GRIN2B: variants seen among roughly 807,000 people sequenced by gnomAD.
The protein encoded by GRIN2B is glutamate ionotropic receptor NMDA type subunit 2B.
GRIN2B carries 5 observed loss-of-function variants against 114.5 expected under a neutral mutation model. The ratio of observed to expected loss-of-function variants is 0.04; its 90% CI spans 0.02 to 0.09. GRIN2B has a LOEUF of 0.09. GRIN2B is among the 10% of genes least tolerant of loss of function. GRIN2B has a pLI of 1.00. For missense variants in GRIN2B, 1,108 were observed against 1,943.5 expected, an observed-to-expected ratio of 0.57 and a Z score of 8.08; for synonymous variants, 787 against 745.1, an observed-to-expected ratio of 1.06 and a Z score of -0.92.
At chr12:13,918,085 A>G (rs919724897) in intron 2 of GRIN2B, among the ~76,000 whole-genome samples, 1 of 152,206 alleles carries the variant, frequency 6.6e-6, no homozygotes, top group African/African-American at 2.4e-5. Flanking sequence ...ACTTGGCATC[A>G]GACATCCATC....
chr12:13,547,858 A>T lies in GRIN2B; in HGVS notation c.*14925T>A, dbSNP rs1948362173. The T allele has an allele frequency of 6.6e-6, 1 of 151,458 alleles. No individual in the cohort carries two copies. The highest frequency in any genetic ancestry group is 1.5e-5 in the Non-Finnish European group (1 of 67,926). The allele number at this position is 151,458 out of a possible 1,614,324, so 9.4% of individuals were successfully genotyped here. ...GCAGTGTTGAAACTCTGAGATAAGA[A>T]TTCCTTGCCCATCTTCTAACTTCCA... is the stretch of plus-strand genomic sequence containing the variant. On this transcript the variant is annotated 3_prime_UTR_variant, in exon 14 of 14. Coordinates refer to ENST00000609686, the MANE Select transcript of GRIN2B (RefSeq NM_000834.5).
At chr12:13,607,369 A>T (rs1309392251) in intron 10 of GRIN2B, among the ~76,000 whole-genome samples, 13 of 39,944 alleles carry the variant, frequency 3.3e-4, no homozygotes, top group South Asian at 1.4e-3. Flanking sequence ...AATATATATT[A>T]TATATTATAT....
intron 3 of GRIN2B, among the ~76,000 whole-genome samples, chr12:13,844,859 G>A (rs889334399): frequency 2.6e-5 from 4 of 152,064 alleles, no homozygotes; most frequent in African/African-American, 9.7e-5. Context: ...CATCATGAAA[G>A]GTAATATTTT....
chr12:13,799,966 C>G (rs910404589), intron 3 of GRIN2B, among the ~76,000 whole-genome samples: 1 of 152,080 alleles, frequency 6.6e-6, no homozygotes, highest in African/African-American at 2.4e-5. Flanking sequence ...CTCTATTTCT[C>G]CCAGGGGACT....
intron 10 of GRIN2B, among the ~76,000 whole-genome samples, chr12:13,592,131 G>T (rs916430333): frequency 6.6e-6 from 1 of 152,154 alleles, no homozygotes; most frequent in Admixed American, 6.6e-5. Context: ...TCTAGTGGAG[G>T]GTGACGGGTG....
intron 2 of GRIN2B, among the ~76,000 whole-genome samples, chr12:13,872,063 A>G (rs556927281): frequency 6.7e-4 from 102 of 152,256 alleles, no homozygotes; most frequent in Middle Eastern, 3.4e-3. Flanking sequence ...TAAGTATATC[A>G]AACTTTTAAG....
chr12:13,942,400 A>AACTG (rs398116128), intron 2 of GRIN2B, among the ~76,000 whole-genome samples: 1 of 151,714 alleles, frequency 6.6e-6, no homozygotes, highest in Non-Finnish European at 1.5e-5. Flanking sequence ...CACAGGCACT[A>AACTG]TTTGGGAAGC....
chr12:13,726,557 T>C (rs563860105), intron 4 of GRIN2B, among the ~76,000 whole-genome samples: 149 of 147,594 alleles, frequency 1.0e-3, no homozygotes, highest in African/African-American at 3.5e-3. Context: ...AATATATATA[T>C]ATATTTATAT....
intron 2 of GRIN2B, among the ~76,000 whole-genome samples, chr12:13,951,021 CT>C (rs1379173618): frequency 6.6e-6 from 1 of 152,114 alleles, no homozygotes; most frequent in Non-Finnish European, 1.5e-5. Flanking sequence ...CTCCCACTCC[CT>C]TGTGAACATT....
chr12:13,760,949 A>G (rs1404833188), intron 3 of GRIN2B, among the ~76,000 whole-genome samples: 1 of 152,222 alleles, frequency 6.6e-6, no homozygotes, highest in East Asian at 1.9e-4. Context: ...GGCTTTGAAT[A>G]GTGTCAGAGT....
In GRIN2B at chr12:13,812,930, A is replaced by ATTTT. The variant is rs34773248; in HGVS notation, c.411+52864_411+52867dup. ...GGTAAGTAATTGGGAAGTTTTGGGA[A>ATTTT]TTTTTTTTTTTTTTTTTTTTTTGAG... On this transcript the variant is annotated intron_variant, in intron 3 of 13. Coordinates refer to ENST00000609686, the MANE Select transcript of GRIN2B (RefSeq NM_000834.5). Among the ~76,000 whole-genome samples, 1,094 of 118,356 alleles carry ATTTT rather than the reference A, an allele frequency of 9.2e-3. 32 individuals are homozygous for ATTTT. Among genetic ancestry groups the ATTTT allele is most frequent in the African/African-American group, 0.025 (752 of 30,500 alleles). 77.6% of individuals were successfully genotyped at this position (118,356 alleles called of 152,430 possible).
chr12:13,899,660 A>G (rs527942066), intron 2 of GRIN2B, among the ~76,000 whole-genome samples: 1 of 144,146 alleles, frequency 6.9e-6, no homozygotes, highest in East Asian at 1.9e-4. Flanking sequence ...AATAAGTCAA[A>G]GGGGGACATT....
intron 3 of GRIN2B, among the ~76,000 whole-genome samples, chr12:13,819,716 G>A (rs139593264): frequency 0.015 from 2,304 of 152,250 alleles, 17 homozygotes; most frequent in Middle Eastern, 0.024. Context: ...CTGTATGTCA[G>A]ATTTTGCTGC....
rs1950150073 is a variant in GRIN2B, at chr12:13,683,545, T to C, written c.1011-7686A>G. Reference sequence around the variant, plus strand: ...TGTGTTTCGATATATATAAAGGGGATGTGAGGGTGATCTGGCTGCGGCATC... The same window carrying C: ...TGTGTTTCGATATATATAAAGGGGACGTGAGGGTGATCTGGCTGCGGCATC... On this transcript the variant is annotated intron_variant, in intron 4 of 13. Transcript: ENST00000609686. The C allele has an allele frequency of 2.0e-5, 3 of 153,708 alleles. No individual in the cohort carries two copies. The South Asian group carries it at 6.2e-4, about 32-fold the overall frequency. 9.5% of individuals were successfully genotyped at this position (153,708 alleles called of 1,614,324 possible).
chr12:13,954,804 G>C (rs1319377050), intron 2 of GRIN2B, among the ~76,000 whole-genome samples: 1 of 7,886 alleles, frequency 1.3e-4, no homozygotes, highest in Non-Finnish European at 5.5e-4. Flanking sequence ...GTGAGACTCC[G>C]TCTCAGGAAA....
At chr12:13,823,686 T>G (rs1402655232) in intron 3 of GRIN2B, among the ~76,000 whole-genome samples, 2 of 152,156 alleles carry the variant, frequency 1.3e-5, no homozygotes, top group Non-Finnish European at 2.9e-5. Flanking sequence ...ACCCTTTGTA[T>G]AAGGCTGAGT....
chr12:13,760,188 T>G (rs1159348098), intron 3 of GRIN2B, among the ~76,000 whole-genome samples: 1 of 152,208 alleles, frequency 6.6e-6, no homozygotes, highest in East Asian at 1.9e-4. Flanking sequence ...TTATTTGACA[T>G]GTTTATTATG....
intron 5 of GRIN2B, among the ~76,000 whole-genome samples, chr12:13,667,496 G>A (rs1377465976): frequency 6.6e-6 from 1 of 152,154 alleles, no homozygotes; most frequent in Non-Finnish European, 1.5e-5. Context: ...TGGCATCACA[G>A]TTAGACCACC....
At chr12:13,863,282 T>C (rs1865776915) in intron 3 of GRIN2B, among the ~76,000 whole-genome samples, 1 of 152,218 alleles carries the variant, frequency 6.6e-6, no homozygotes, top group Non-Finnish European at 1.5e-5. Flanking sequence ...TGTTCTCTTG[T>C]AGTTAGACTC....
Sources: allele counts gnomAD v4.1 joint callset (sites outside exome capture counted in the v4.1 genomes callset), GRCh38; gene constraint gnomAD v4.1.1; transcripts MANE v1.5; gene names NCBI Gene and HGNC (gene_info 2026-07-23, HGNC 2026-07-21).